GPC6: variants seen among roughly 807,000 people sequenced by gnomAD.
GPC6 encodes glypican-6.
Under a neutral mutation model 55.2 loss-of-function variants are expected in GPC6, and 14 were observed. The observed-to-expected ratio is 0.25, with a 90% CI of 0.17 to 0.40. GPC6 has a LOEUF of 0.40. Ranked by LOEUF, GPC6 falls within the 10% of genes least tolerant of loss-of-function variation. GPC6 has a pLI of 1.00. For synonymous variants in GPC6, 278 were observed against 259.6 expected (o/e 1.07, Z -0.68); for missense variants, 641 against 708.5 (o/e 0.90, Z 1.08).
intron 4 of GPC6, among the ~76,000 whole-genome samples, chr13:94,131,053 G>A (rs2138865919): frequency 6.6e-6 from 1 of 152,110 alleles, no homozygotes; most frequent in African/African-American, 2.4e-5. Flanking sequence ...AATATTATGA[G>A]GAAAGAAGTA....
chr13:93,725,689 T>C (rs1167315113), intron 2 of GPC6, among the ~76,000 whole-genome samples: 1 of 152,082 alleles, frequency 6.6e-6, no homozygotes, highest in Non-Finnish European at 1.5e-5. Flanking sequence ...TGTTGTACTT[T>C]ATGTTTCCTC....
chr13:93,860,569 T>C lies in GPC6; in HGVS notation c.711+30024T>C, dbSNP rs1002257463. Among the ~76,000 whole-genome samples, 4 of 151,684 alleles carry C rather than the reference T, an allele frequency of 2.6e-5. No homozygotes were observed. The South Asian group carries it at 8.3e-4, about 31-fold the overall frequency. Reference sequence around the variant, plus strand: ...TGTCAGAATGAAGAACTTTGAAATTTCTGTGCAGAATGTCTCAGCATCATC... The same window carrying C: ...TGTCAGAATGAAGAACTTTGAAATTCCTGTGCAGAATGTCTCAGCATCATC... On this transcript the variant is annotated intron_variant, in intron 3 of 8. Coordinates refer to ENST00000377047, the MANE Select transcript of GPC6 (RefSeq NM_005708.5).
At chr13:94,376,949 A>G (rs1181542413) in intron 6 of GPC6, among the ~76,000 whole-genome samples, 69 of 152,044 alleles carry the variant, frequency 4.5e-4, no homozygotes, top group African/African-American at 1.6e-3. Context: ...AGCAATGGGG[A>G]AAGGATTCCC....
chr13:93,329,759 G>A (rs11618902), intron 1 of GPC6, among the ~76,000 whole-genome samples: 38,833 of 151,802 alleles, frequency 0.26, 5,527 homozygotes, highest in East Asian at 0.55. Flanking sequence ...CTAGTGTTAT[G>A]TGTCCATCAA....
chr13:93,647,078 G>C (rs1880205604), intron 2 of GPC6, among the ~76,000 whole-genome samples: 1 of 152,030 alleles, frequency 6.6e-6, no homozygotes, highest in South Asian at 2.1e-4. Context: ...GAATTTCTTT[G>C]ACTAGCCATC....
intron 3 of GPC6, among the ~76,000 whole-genome samples, chr13:93,903,537 C>G (rs1876475334): frequency 6.6e-6 from 1 of 152,092 alleles, no homozygotes; most frequent in Admixed American, 6.6e-5. Flanking sequence ...CATATCTTTG[C>G]TCAGACTATA....
chr13:93,388,212 C>T (rs1037415591), intron 1 of GPC6, among the ~76,000 whole-genome samples: 1 of 152,208 alleles, frequency 6.6e-6, no homozygotes, highest in Non-Finnish European at 1.5e-5. Flanking sequence ...CTTTTGACCA[C>T]TGCCTAATGA....
intron 6 of GPC6, among the ~76,000 whole-genome samples, chr13:94,361,764 T>A (rs191582757): frequency 1.3e-3 from 193 of 152,354 alleles, no homozygotes; most frequent in Non-Finnish European, 2.1e-3. Flanking sequence ...TGGTTAAATG[T>A]TTAAAATTGT....
rs143617858 is a variant in GPC6, at chr13:94,012,091, C to A, written c.712-15638C>A. Among the ~76,000 whole-genome samples, 1,385 of 152,130 alleles carry A rather than the reference C, an allele frequency of 9.1e-3. 22 individuals are homozygous for A. Among genetic ancestry groups the A allele is most frequent in the African/African-American group, 0.032 (1,320 of 41,484 alleles). ...TATTATTCTTGAAGGGTAGAGACAC[C>A]ACTGGCATCTTTTGAAGGATCTCTA... On this transcript the variant is annotated intron_variant, in intron 3 of 8. Coordinates refer to ENST00000377047, the MANE Select transcript of GPC6 (RefSeq NM_005708.5).
At chr13:94,030,116 TCTCAGC>T (rs1012003189) in intron 4 of GPC6, among the ~76,000 whole-genome samples, 3 of 151,816 alleles carry the variant, frequency 2.0e-5, no homozygotes, top group South Asian at 2.1e-4. Flanking sequence ...CATTCTCCTG[TCTCAGC>T]CTCAGCCTCC....
At chr13:93,431,446 T>G (rs531592926) in intron 1 of GPC6, among the ~76,000 whole-genome samples, 1 of 152,196 alleles carries the variant, frequency 6.6e-6, no homozygotes, top group South Asian at 2.1e-4. Flanking sequence ...AAAAAATACA[T>G]AACAGATAAT....
At chr13:93,419,669 T>A (rs1192730976) in intron 1 of GPC6, among the ~76,000 whole-genome samples, 1 of 152,136 alleles carries the variant, frequency 6.6e-6, no homozygotes, top group Non-Finnish European at 1.5e-5. Flanking sequence ...AAGCCTCCTA[T>A]TAGCAACAGT....
intron 1 of GPC6, among the ~76,000 whole-genome samples, chr13:93,483,485 T>C (rs1413919445): frequency 6.6e-6 from 1 of 152,146 alleles, no homozygotes; most frequent in Non-Finnish European, 1.5e-5. Flanking sequence ...CAATATCTGA[T>C]TATTTCTATC....
chr13:94,335,159 G>C (rs974411684), intron 6 of GPC6, among the ~76,000 whole-genome samples: 1 of 152,090 alleles, frequency 6.6e-6, no homozygotes, highest in African/African-American at 2.4e-5. Context: ...GGTGGTTCTG[G>C]CCCTCTGGAG....
intron 4 of GPC6, among the ~76,000 whole-genome samples, chr13:94,189,986 A>C (rs1013345664): frequency 5.4e-5 from 8 of 147,762 alleles, no homozygotes; most frequent in African/African-American, 2.0e-4. Flanking sequence ...ACGCCACTGC[A>C]CCCCAGCCTG....
intron 4 of GPC6, among the ~76,000 whole-genome samples, chr13:94,122,142 A>C (rs1406692325): frequency 2.0e-5 from 3 of 152,116 alleles, no homozygotes; most frequent in South Asian, 2.1e-4. Flanking sequence ...ATAAATAAAA[A>C]AAAGTTTTCT....
intron 1 of GPC6, among the ~76,000 whole-genome samples, chr13:93,393,230 C>G (rs1016328234): frequency 6.6e-6 from 1 of 150,988 alleles, no homozygotes; most frequent in Non-Finnish European, 1.5e-5. Context: ...CCTCTGCCTC[C>G]TGGGTTCAAG....
In GPC6 at chr13:94,407,323, T is replaced by C. The variant is rs1170857365; in HGVS notation, c.*4106T>C. 6.6e-6 allele frequency: 1 copy of C among 152,126 alleles called. No homozygotes were observed. The highest frequency in any genetic ancestry group is 2.4e-5 in the African/African-American group (1 of 41,442). 9.4% of individuals were successfully genotyped at this position (152,126 alleles called of 1,614,324 possible). A position where few individuals can be genotyped will look rare whatever the true frequency, so the allele number is the denominator to read the frequency against. On this transcript the variant is annotated 3_prime_UTR_variant, in exon 9 of 9. Transcript: ENST00000377047. ...TTATGTGACTGTCAAATGAATATTA[T>C]TTGGGTTAAGATTTTTCATTTCTGA...
chr13:94,255,613 G>T (rs1162633513), intron 4 of GPC6, among the ~76,000 whole-genome samples: 1 of 151,936 alleles, frequency 6.6e-6, no homozygotes, highest in Non-Finnish European at 1.5e-5. Flanking sequence ...TTAGCCTCCT[G>T]CTCTTTTCCT....
Sources: allele counts gnomAD v4.1 joint callset (sites outside exome capture counted in the v4.1 genomes callset), GRCh38; gene constraint gnomAD v4.1.1; transcripts MANE v1.5; gene names NCBI Gene and HGNC (gene_info 2026-07-23, HGNC 2026-07-21).